MGST1: variants seen among roughly 807,000 people sequenced by gnomAD.
MGST1 encodes the protein glutathione S-transferase 12.
In MGST1, 5 loss-of-function variants were observed where a neutral mutation model predicts 8.9. That is an observed-to-expected ratio of 0.56 (90% confidence interval 0.29 to 1.19). MGST1 has a LOEUF of 1.19. Ranked by LOEUF, MGST1 falls within the 50% of genes most tolerant of loss-of-function variation. MGST1 has a pLI of 0.08. For synonymous variants in MGST1, 54 were observed against 67.8 expected, an observed-to-expected ratio of 0.80 and a Z score of 1.00; for missense variants, 182 against 187.4, an observed-to-expected ratio of 0.97 and a Z score of 0.17.
chr12:16,475,002 A>G lies in MGST1; in HGVS notation n.482+91398A>G, dbSNP rs556162425. Among the ~76,000 whole-genome samples the G allele has an allele frequency of 3.9e-5, 6 of 152,340 alleles. No homozygotes were observed. In the East Asian group the frequency reaches 9.6e-4, roughly 24 times the overall value. On this transcript the variant is annotated intron_variant and non_coding_transcript_variant, in intron 4 of 4. Coordinates refer to the MGST1 transcript ENST00000538857. ...TGCAGTAGGCTAATGCACCATGTGA[A>G]CAGGCATCTCAGGGAGAGTCTAAAT...
At chr12:16,527,434 A>G (rs932857751) in intron 4 of MGST1, among the ~76,000 whole-genome samples, 7 of 152,024 alleles carry the variant, frequency 4.6e-5, no homozygotes, top group African/African-American at 1.4e-4. Flanking sequence ...GGATATAGGT[A>G]TGTTGCATTA....
At chr12:16,538,483 T>C (rs1264425540) in intron 4 of MGST1, among the ~76,000 whole-genome samples, 2 of 152,114 alleles carry the variant, frequency 1.3e-5, no homozygotes, top group African/African-American at 2.4e-5. Flanking sequence ...TTTACTATAT[T>C]AGTTCATTTT....
chr12:16,411,758 T>A (rs1476148854), intron 1 of MGST1, among the ~76,000 whole-genome samples: 1 of 152,198 alleles, frequency 6.6e-6, no homozygotes, highest in Non-Finnish European at 1.5e-5. Flanking sequence ...TTTTCTATGA[T>A]GATGTATATT....
At chr12:16,541,248 T>C in intron 4 of MGST1, among the ~76,000 whole-genome samples, 1 of 152,216 alleles carries the variant, frequency 6.6e-6, no homozygotes, top group Non-Finnish European at 1.5e-5. Flanking sequence ...GTTTTTCTTT[T>C]TTTTCCCTGC....
In MGST1 at chr12:16,416,554, G is replaced by A. The variant is rs549365225; in HGVS notation, n.779-20834G>A. Among the ~76,000 whole-genome samples the A allele has an allele frequency of 2.6e-5, 4 of 152,142 alleles. No homozygotes were observed. The East Asian group carries it at 7.7e-4, about 29-fold the overall frequency. On this transcript the variant is annotated intron_variant and non_coding_transcript_variant, in intron 1 of 1. Coordinates refer to the MGST1 transcript ENST00000359720. ...TACGTGGCAGGGTGAGGGGGCAGGG[G>A]GAGGAAGTAAGCTCTCTCCTGTCTC...
chr12:16,531,708 G>A (rs529240502), intron 4 of MGST1, among the ~76,000 whole-genome samples: 38 of 152,240 alleles, frequency 2.5e-4, no homozygotes, highest in African/African-American at 8.2e-4. Flanking sequence ...GAGACAGGTT[G>A]GTAAAATGTG....
At chr12:16,538,020 C>A (rs990768695) in intron 4 of MGST1, among the ~76,000 whole-genome samples, 1 of 152,196 alleles carries the variant, frequency 6.6e-6, no homozygotes, top group African/African-American at 2.4e-5. Context: ...CATCTGGCTG[C>A]AAATTTTCCA....
chr12:16,513,937 A>G lies in MGST1; in HGVS notation n.483-75591A>G. 1.8e-6 allele frequency: 1 copy of G among 540,816 alleles called. No individual in the cohort carries two copies. Among genetic ancestry groups the G allele is most frequent in the South Asian group, 1.7e-5 (1 of 57,764 alleles). The allele number at this position is 540,816 out of a possible 1,614,324, so 33.5% of individuals were successfully genotyped here. A position where few individuals can be genotyped will look rare whatever the true frequency, so the allele number is the denominator to read the frequency against. On this transcript the variant is annotated intron_variant and non_coding_transcript_variant, in intron 4 of 4. Coordinates refer to the MGST1 transcript ENST00000538857. The surrounding 1 kb of genome is among the most constrained non-coding windows in gnomAD (Gnocchi z 4.2). ...AGGTTATCGATACTATGACCGCAAG[A>G]CTTGCGGTTTTGACTTCACAGACAC...
At chr12:16,529,729 G>A (rs916526020) in intron 4 of MGST1, among the ~76,000 whole-genome samples, 1 of 151,972 alleles carries the variant, frequency 6.6e-6, no homozygotes. Context: ...AAAGTGTTTG[G>A]GCTTGTGTTA....
intron 4 of MGST1, among the ~76,000 whole-genome samples, chr12:16,510,956 C>G (rs1324032590): frequency 6.6e-6 from 1 of 151,694 alleles, no homozygotes; most frequent in Non-Finnish European, 1.5e-5. Flanking sequence ...CTAGTGTAAA[C>G]TATGAGGCAA....
intron 4 of MGST1, among the ~76,000 whole-genome samples, chr12:16,558,913 A>G (rs1296137861): frequency 1.3e-5 from 2 of 152,162 alleles, no homozygotes; most frequent in Non-Finnish European, 2.9e-5. Flanking sequence ...TAGTGTTTCT[A>G]TTTTATGGGT....
At chr12:16,579,185 T>A (rs1240872262) in intron 4 of MGST1, among the ~76,000 whole-genome samples, 1 of 152,284 alleles carries the variant, frequency 6.6e-6, no homozygotes, top group East Asian at 1.9e-4. Flanking sequence ...ATATATATAT[T>A]CCCTTAGATA....
At chr12:16,505,524 C>A (rs986028785) in intron 4 of MGST1, among the ~76,000 whole-genome samples, 1 of 152,138 alleles carries the variant, frequency 6.6e-6, no homozygotes, top group Admixed American at 6.6e-5. Flanking sequence ...GACTAAAAAC[C>A]CCTACGTAAT....
chr12:16,449,521 T>C (rs1941112189), intron 4 of MGST1, among the ~76,000 whole-genome samples: 1 of 151,914 alleles, frequency 6.6e-6, no homozygotes, highest in Admixed American at 6.6e-5. Flanking sequence ...CAGGTGGATA[T>C]GTTTCATAGT....
At chr12:16,388,968 GATC>G (rs1330487543) in intron 1 of MGST1, among the ~76,000 whole-genome samples, 2 of 152,204 alleles carry the variant, frequency 1.3e-5, no homozygotes, top group Non-Finnish European at 2.9e-5. Context: ...AACCATGGAT[GATC>G]CCAGGAAGCA....
intron 3 of MGST1, among the ~76,000 whole-genome samples, chr12:16,358,714 C>T (rs961860538): frequency 1.3e-5 from 2 of 151,492 alleles, no homozygotes; most frequent in Admixed American, 6.6e-5. Flanking sequence ...GTGATCCACC[C>T]ACCTTGGCCT....
At chr12:16,392,232 TC>T (rs1457771770) in intron 1 of MGST1, among the ~76,000 whole-genome samples, 1 of 152,198 alleles carries the variant, frequency 6.6e-6, no homozygotes, top group African/African-American at 2.4e-5. Context: ...TCTCTAGAAT[TC>T]TTTTTTGCGT....
At chr12:16,449,399 C>T (rs1941110925) in intron 4 of MGST1, among the ~76,000 whole-genome samples, 2 of 151,886 alleles carry the variant, frequency 1.3e-5, no homozygotes, top group Non-Finnish European at 2.9e-5. Flanking sequence ...AAAACCCAAA[C>T]ACTTCCCGCC....
chr12:16,480,929 A>G (rs1489533419), intron 4 of MGST1, among the ~76,000 whole-genome samples: 1 of 152,216 alleles, frequency 6.6e-6, no homozygotes, highest in East Asian at 1.9e-4. Context: ...AAACAAAAAA[A>G]CAAAAAATTA....
Sources: allele counts gnomAD v4.1 joint callset (sites outside exome capture counted in the v4.1 genomes callset), GRCh38; gene constraint gnomAD v4.1.1; non-coding constraint Gnocchi (gnomAD v3.1); transcripts MANE v1.5; gene names NCBI Gene and HGNC (gene_info 2026-07-23, HGNC 2026-07-21).